Variants in CAMK1G observed in about 807,000 individuals in gnomAD.
CAMK1G encodes the protein calcium/calmodulin-dependent protein kinase type 1G.
Under a neutral mutation model 54.8 loss-of-function variants are expected in CAMK1G, and 27 were observed. The observed-to-expected ratio is 0.49, with a 90% CI of 0.36 to 0.68. The LOEUF (loss-of-function observed/expected upper bound fraction) is 0.68. Ranked by LOEUF, CAMK1G falls within the 30% of genes least tolerant of loss-of-function variation. The pLI is 0.00. For missense variants in CAMK1G, 512 were observed against 591.0 expected (o/e 0.87, Z 1.39); for synonymous variants, 238 against 224.9 (o/e 1.06, Z -0.52).
At chr1:209,611,399 C>T (rs1009499905) in intron 9 of CAMK1G, 66 bp from the exon 10 acceptor site, 2 of 1,467,212 alleles carry the variant, frequency 1.4e-6, no homozygotes, top group African/African-American at 1.4e-5. Context: ...TGCAGGCACC[C>T]TGCCCACTCC....
rs763871562 is a variant in CAMK1G, at chr1:209,607,840, G to A, written c.560-18G>A. 19 of 1,609,048 alleles carry A rather than the reference G, an allele frequency of 1.2e-5. No homozygotes were observed. The African/African-American group carries it at 2.0e-4, about 17-fold the overall frequency. ...TCCTCTTGCCACCAGCCCTGACTCT[G>A]CCCTTGGTCTGCTGCAGCTCCAGAA... On this transcript the variant is annotated intron_variant, in intron 6 of 12. Transcript: ENST00000361322.
chr1:209,606,317 C>T lies in CAMK1G; in HGVS notation c.436-3C>T, dbSNP rs200388906. 3 of 1,612,816 alleles carry T rather than the reference C, an allele frequency of 1.9e-6. No individual in the cohort carries two copies. Among genetic ancestry groups the T allele is most frequent in the African/African-American group, 1.3e-5 (1 of 74,952 alleles). ...CCTACACTACATATTTTTTCTCCTA[C>T]AGCCCGAAAACCTGCTTTACCTTAC... On this transcript the variant is annotated splice_region_variant and splice_polypyrimidine_tract_variant and intron_variant, in intron 5 of 12. Coordinates refer to ENST00000361322, the MANE Select transcript of CAMK1G (RefSeq NM_020439.3).
rs1665824457 is a variant in CAMK1G at position 209,613,110 on chromosome 1, T to C, written c.*108T>C. Reference sequence around the variant, plus strand: ...GGCAGAGGGAGGAAGGCAGAGCAAGTGGAGCAGGGCTTAGCAGGAGCAGTT... The same window carrying C: ...GGCAGAGGGAGGAAGGCAGAGCAAGCGGAGCAGGGCTTAGCAGGAGCAGTT... On this transcript the variant is annotated 3_prime_UTR_variant, in exon 13 of 13. Transcript: ENST00000361322. The C allele has an allele frequency of 4.3e-6, 2 of 468,548 alleles. No homozygotes were observed. The highest frequency in any genetic ancestry group is 3.4e-5 in the Admixed American group (1 of 29,782). 29.0% of individuals were successfully genotyped at this position (468,548 alleles called of 1,614,324 possible).
At chr1:209,607,309 G>C (rs1665673973) in intron 6 of CAMK1G, among the ~76,000 whole-genome samples, 1 of 152,220 alleles carries the variant, frequency 6.6e-6, no homozygotes, top group African/African-American at 2.4e-5. Flanking sequence ...CCCTCTGAAA[G>C]CTCTCTATCT....
At chr1:209,599,868 C>A in intron 2 of CAMK1G, 115 bp from the exon 3 acceptor site, 1 of 1,230,740 alleles carries the variant, frequency 8.1e-7, no homozygotes, top group Non-Finnish European at 1.1e-6. Flanking sequence ...TCAGTATATG[C>A]CTTTGTGGTC....
At chr1:209,593,327 G>T (rs899176407) in intron 1 of CAMK1G, among the ~76,000 whole-genome samples, 17 of 152,202 alleles carry the variant, frequency 1.1e-4, no homozygotes, top group African/African-American at 3.9e-4. Flanking sequence ...GGGAAGGAAG[G>T]TTATTGCCCA....
chr1:209,584,009 G>A (rs555918098), intron 1 of CAMK1G: 37 of 152,324 alleles, frequency 2.4e-4, no homozygotes, highest in Admixed American at 6.5e-4. Context: ...CTCCTGGGCT[G>A]GCTTTCATGG....
intron 11 of CAMK1G, among the ~76,000 whole-genome samples, 170 bp from the exon 12 acceptor site, chr1:209,612,615 A>G (rs1665810665): frequency 6.6e-6 from 1 of 152,178 alleles, no homozygotes; most frequent in African/African-American, 2.4e-5. Context: ...AAGGAAGTGT[A>G]GGGGGGCTTG....
In CAMK1G at chr1:209,605,593, G is replaced by A. The variant is rs1665629152; in HGVS notation, c.354G>A (p.Lys118=). The A allele has an allele frequency of 1.2e-6, 2 of 1,614,052 alleles. No individual in the cohort carries two copies. The highest frequency in any genetic ancestry group is 2.2e-5 in the South Asian group (2 of 91,090). Residue 118 remains lysine (K), a synonymous_variant, in exon 5 of 13, where the codon AAG becomes AAA. Coordinates refer to ENST00000361322, the MANE Select transcript of CAMK1G (RefSeq NM_020439.3). ...TGGAGCGGGGTGTCTACACAGAGAAGGATGCCAGTCTGGTGATCCAGCAGG... is the reference window on the plus strand; with the variant it reads ...TGGAGCGGGGTGTCTACACAGAGAAAGATGCCAGTCTGGTGATCCAGCAGG... ...RILERGVYTE[K]DASLVIQQVL... is the part of the protein sequence containing the mutation.
At chr1:209,595,137 T>C in intron 2 of CAMK1G, 62 bp downstream of exon 2, 1 of 1,167,740 alleles carries the variant, frequency 8.6e-7, no homozygotes, top group Non-Finnish European at 1.3e-6. Context: ...GTTAGAAGAG[T>C]TGTTCTCTGC....
At chr1:209,606,636 A>C (rs971597955) in intron 6 of CAMK1G, among the ~76,000 whole-genome samples, 193 bp downstream of exon 6, 10 of 152,168 alleles carry the variant, frequency 6.6e-5, no homozygotes, top group Admixed American at 2.0e-4. Flanking sequence ...CCCAAATTCT[A>C]CATTTTTAAA....
intron 1 of CAMK1G, among the ~76,000 whole-genome samples, chr1:209,585,010 T>C (rs1380692113): frequency 6.6e-6 from 1 of 152,172 alleles, no homozygotes; most frequent in Non-Finnish European, 1.5e-5. Flanking sequence ...GATGAGACCA[T>C]TGAAGCTTAG....
chr1:209,588,120 G>A (rs1233593284), intron 1 of CAMK1G, among the ~76,000 whole-genome samples: 2 of 152,194 alleles, frequency 1.3e-5, no homozygotes, highest in Non-Finnish European at 2.9e-5. Context: ...ATGCCTCCTT[G>A]CTCAGAAGCC....
chr1:209,606,907 A>G (rs959236978), intron 6 of CAMK1G, among the ~76,000 whole-genome samples: 1 of 152,186 alleles, frequency 6.6e-6, no homozygotes, highest in African/African-American at 2.4e-5. Flanking sequence ...ATGGGCTCCT[A>G]AATGTCCACC....
chr1:209,606,537 T>C, intron 6 of CAMK1G, 94 bp downstream of exon 6: 2 of 1,425,784 alleles, frequency 1.4e-6, no homozygotes, highest in South Asian at 2.6e-5. Context: ...GAACATAGGG[T>C]TCAACTTCAG....
Position 209,607,917 on chromosome 1 carries a change from G to A in CAMK1G, c.619G>A (p.Val207Ile), listed in dbSNP as rs757176272. ...GGCTGTGGATTGCTGGTCCATCGGC[G>A]TCATCACCTACATATTGTGAGTAGA... ...SKAVDCWSIG[V>I]ITYILLCGYP... is the part of the protein sequence containing the mutation. The change falls in exon 7 of 13, where the codon GTC becomes ATC. Residue 207 changes from valine to isoleucine, a missense_variant. By Grantham distance (29) the Val-to-Ile change is conservative (BLOSUM62 3). Coordinates refer to ENST00000361322, the MANE Select transcript of CAMK1G (RefSeq NM_020439.3). 92 of 1,613,086 alleles carry A rather than the reference G, an allele frequency of 5.7e-5. No homozygotes were observed. Among genetic ancestry groups the A allele is most frequent in the Middle Eastern group, 1.6e-4 (1 of 6,076 alleles).
In CAMK1G at chr1:209,592,344, C is replaced by CAA. The variant is rs56012133; in HGVS notation, c.-29-2592_-29-2591dup. Among the ~76,000 whole-genome samples the CAA allele has an allele frequency of 1.6e-3, 110 of 70,190 alleles. 2 individuals are homozygous for CAA. The highest frequency in any genetic ancestry group is 4.7e-3 in the East Asian group (13 of 2,788). The allele number at this position is 70,190 out of a possible 152,430, so 46.0% of individuals were successfully genotyped here. On this transcript the variant is annotated intron_variant, in intron 1 of 12. Coordinates refer to ENST00000361322, the MANE Select transcript of CAMK1G (RefSeq NM_020439.3). ...TGGGTAATAGAGCAAGACTCTGTCT[C>CAA]AAAAAAAAAAAAAAAAAAAACTCCA...
intron 1 of CAMK1G, among the ~76,000 whole-genome samples, chr1:209,594,413 A>G (rs997198821): frequency 1.3e-5 from 2 of 152,260 alleles, no homozygotes; most frequent in African/African-American, 4.8e-5. Flanking sequence ...AATTTAGGAA[A>G]TGATTCAATT....
intron 1 of CAMK1G, among the ~76,000 whole-genome samples, chr1:209,594,445 T>C (rs1016376421): frequency 6.6e-6 from 1 of 152,260 alleles, no homozygotes; most frequent in Non-Finnish European, 1.5e-5. Flanking sequence ...GAATAACTAT[T>C]TGCCCAGCAC....
Sources: allele counts gnomAD v4.1 joint callset (sites outside exome capture counted in the v4.1 genomes callset), GRCh38; gene constraint gnomAD v4.1.1; transcripts MANE v1.5; gene names NCBI Gene and HGNC (gene_info 2026-07-23, HGNC 2026-07-21).